TBC1D1: variants seen among roughly 807,000 people sequenced by gnomAD.
The protein encoded by TBC1D1 is TBC1 domain family member 1.
A neutral mutation model predicts 125.6 loss-of-function variants in TBC1D1; 89 were observed. The observed-to-expected ratio is 0.71, with a 90% CI of 0.60 to 0.85. TBC1D1 has a LOEUF of 0.85. TBC1D1 is among the 40% of genes least tolerant of loss of function. TBC1D1 has a pLI of 0.00. For missense variants in TBC1D1, 1,377 were observed against 1,469.2 expected (o/e 0.94, Z 1.03); for synonymous variants, 565 against 564.1 (o/e 1.00, Z -0.02).
intron 2 of TBC1D1, among the ~76,000 whole-genome samples, chr4:37,942,432 T>C (rs1577967743): frequency 8.1e-6 from 1 of 124,066 alleles, no homozygotes; most frequent in Admixed American, 7.2e-5. Context: ...GCATGTAAGA[T>C]GGGTCTCCCG....
At chr4:38,070,322 CA>C (rs1178292320) in intron 12 of TBC1D1, among the ~76,000 whole-genome samples, 1 of 152,168 alleles carries the variant, frequency 6.6e-6, no homozygotes, top group Non-Finnish European at 1.5e-5. Flanking sequence ...ATTCTTAAAG[CA>C]AAATAGTTGT....
chr4:37,994,872 C>T (rs1737434155), intron 2 of TBC1D1, among the ~76,000 whole-genome samples: 1 of 152,142 alleles, frequency 6.6e-6, no homozygotes, highest in South Asian at 2.1e-4. Context: ...AATTACAATC[C>T]TTAAATCTTT....
At chr4:37,918,494 C>T (rs1720193241) in intron 2 of TBC1D1, among the ~76,000 whole-genome samples, 1 of 150,300 alleles carries the variant, frequency 6.7e-6, no homozygotes, top group Non-Finnish European at 1.5e-5. Flanking sequence ...GTCTCCCAGG[C>T]TGGGGTGCAG....
chr4:38,106,842 C>G (rs1016340619), intron 15 of TBC1D1, among the ~76,000 whole-genome samples: 3 of 152,174 alleles, frequency 2.0e-5, no homozygotes, highest in African/African-American at 7.2e-5. Context: ...GTGCCTGAGC[C>G]CCACCACGGC....
chr4:38,053,645 A>G (rs1197512387), intron 11 of TBC1D1, among the ~76,000 whole-genome samples: 1 of 152,254 alleles, frequency 6.6e-6, no homozygotes, highest in Admixed American at 6.5e-5. Context: ...AACATTTATG[A>G]TTGTGTTTAT....
chr4:38,096,810 TTTTG>T (rs990739729), intron 14 of TBC1D1, among the ~76,000 whole-genome samples: 2 of 152,220 alleles, frequency 1.3e-5, no homozygotes, highest in South Asian at 2.1e-4. Flanking sequence ...TTTTTTTAAA[TTTTG>T]TTTTTCTACT....
At chr4:38,070,222 T>C (rs1219581401) in intron 12 of TBC1D1, among the ~76,000 whole-genome samples, 1 of 152,248 alleles carries the variant, frequency 6.6e-6, no homozygotes, top group Admixed American at 6.5e-5. Flanking sequence ...ATTACTAAAG[T>C]GCTCAGATAG....
chr4:38,069,211 C>T (rs113334679), intron 12 of TBC1D1, among the ~76,000 whole-genome samples: 19 of 152,178 alleles, frequency 1.2e-4, no homozygotes, highest in African/African-American at 4.1e-4. Flanking sequence ...CTTGATTGTT[C>T]ATCTCACTCC....
intron 12 of TBC1D1, among the ~76,000 whole-genome samples, chr4:38,074,764 CTTTT>C (rs10581033): frequency 1.4e-5 from 2 of 142,674 alleles, no homozygotes; most frequent in African/African-American, 2.6e-5. Context: ...GTCTCTCTCT[CTTTT>C]TTTTTTTTTT....
At chr4:37,999,526 T>G (rs1053843818) in intron 2 of TBC1D1, among the ~76,000 whole-genome samples, 2 of 151,572 alleles carry the variant, frequency 1.3e-5, no homozygotes, top group African/African-American at 4.9e-5. Flanking sequence ...CCCCAGCGCG[T>G]GGTGTAGGGG....
At position 38,087,780 on chromosome 4, in the gene TBC1D1, AGGTT is replaced by A. The variant is rs542407731; in HGVS notation, c.2051-2150_2051-2147del. Among the ~76,000 whole-genome samples the A allele has an allele frequency of 1.2e-4, 17 of 138,568 alleles. No individual in the cohort carries two copies. In the East Asian group the frequency reaches 2.5e-3, roughly 20 times the overall value. 90.9% of individuals were successfully genotyped at this position (138,568 alleles called of 152,430 possible). A position where few individuals can be genotyped will look rare whatever the true frequency, so the allele number is the denominator to read the frequency against. ...AGAATCGCTTGAACTTGGGAGGTAG[AGGTT>A]GCAGTGAGCCAAGATTGCGCCACCA... is the stretch of plus-strand genomic sequence containing the variant. On this transcript the variant is annotated intron_variant, in intron 12 of 19. Transcript: ENST00000261439.
At chr4:38,050,265 C>T (rs1173686765) in intron 11 of TBC1D1, among the ~76,000 whole-genome samples, 2 of 152,124 alleles carry the variant, frequency 1.3e-5, no homozygotes, top group Non-Finnish European at 2.9e-5. Context: ...GAGGGAGAGG[C>T]GCTGATCCTT....
chr4:37,937,614 T>C (rs1724655889), intron 2 of TBC1D1, among the ~76,000 whole-genome samples: 1 of 152,140 alleles, frequency 6.6e-6, no homozygotes, highest in Admixed American at 6.5e-5. Context: ...TATGAAACAA[T>C]AAGAATTGTT....
intron 8 of TBC1D1, among the ~76,000 whole-genome samples, chr4:38,037,353 T>C (rs28373853): frequency 0.095 from 14,349 of 151,634 alleles, 1,604 homozygotes; most frequent in African/African-American, 0.27. Context: ...GGCATCTGTG[T>C]AACACTTTTA....
chr4:38,083,251 T>G (rs187604610), intron 12 of TBC1D1, among the ~76,000 whole-genome samples: 150 of 152,338 alleles, frequency 9.8e-4, no homozygotes, highest in Non-Finnish European at 1.7e-3. Context: ...CTTCTGGAAT[T>G]CCCAATTTCT....
At chr4:38,124,285 G>A (rs775458433) in intron 17 of TBC1D1, among the ~76,000 whole-genome samples, 3 of 152,164 alleles carry the variant, frequency 2.0e-5, no homozygotes, top group African/African-American at 4.8e-5. Flanking sequence ...CTGCTCGGCC[G>A]CTTGCCTTGG....
Position 37,948,167 on chromosome 4 carries a change from A to G in TBC1D1, c.417+45655A>G, listed in dbSNP as rs148609338. ...CAGGGCTAGAAGAACGGGCAGGTCCAGAAAGAAGATTATAAGAGGCACCAT... is the reference window on the plus strand; with the variant it reads ...CAGGGCTAGAAGAACGGGCAGGTCCGGAAAGAAGATTATAAGAGGCACCAT... On this transcript the variant is annotated intron_variant, in intron 2 of 19. Transcript: ENST00000261439. 6.2e-3 allele frequency among the ~76,000 whole-genome samples: 945 copies of G among 152,304 alleles called. 10 individuals are homozygous for G. The highest frequency in any genetic ancestry group is 0.021 in the African/African-American group (872 of 41,562).
At chr4:38,046,166 C>T (rs764664152) in intron 10 of TBC1D1, among the ~76,000 whole-genome samples, 1 of 152,038 alleles carries the variant, frequency 6.6e-6, no homozygotes, top group Admixed American at 6.6e-5. Context: ...GAGATCGAGA[C>T]GCTCCTGGCT....
Position 38,014,941 on chromosome 4 carries a change from G to T in TBC1D1, c.850G>T (p.Asp284Tyr). The change falls in exon 3 of 20, where the codon GAT becomes TAT. Residue 284 changes from aspartate (D) to tyrosine (Y), a missense_variant. Physicochemically the swap from Asp to Tyr is radical, Grantham distance 160 (BLOSUM62 -3). Coordinates refer to ENST00000261439, the MANE Select transcript of TBC1D1 (RefSeq NM_015173.4). This position sits in a 1 kb window ranked among gnomAD's most constrained non-coding sequence, Gnocchi z 5.1. The stretch of plus-strand genomic sequence containing the variant: ...CGGACACAATATTGTGCAGCCCACA[G>T]ATATCGAGGAAAATCGAACTATGCT... The T allele has an allele frequency of 6.4e-7, 1 of 1,556,664 alleles. No individual in the cohort carries two copies. Among genetic ancestry groups the T allele is most frequent in the Non-Finnish European group, 8.7e-7 (1 of 1,147,898 alleles).
Sources: gnomAD v4.1 joint callset for allele counts (sites outside exome capture counted in the v4.1 genomes callset) on GRCh38, gnomAD v4.1.1 for gene constraint, Gnocchi (gnomAD v3.1) non-coding constraint, MANE v1.5 for transcripts, NCBI Gene and HGNC (gene_info 2026-07-23, HGNC 2026-07-21) for gene names.